ST7: variants seen among roughly 807,000 people sequenced by gnomAD.
ST7 encodes suppressor of tumorigenicity 7 protein.
Under a neutral mutation model 78.7 loss-of-function variants are expected in ST7, and 28 were observed. The ratio of observed to expected loss-of-function variants is 0.36; its 90% confidence interval spans 0.26 to 0.49. The LOEUF is 0.49. Among genes scored for constraint, ST7 ranks in the 20% least tolerant of loss-of-function variants. ST7 has a pLI of 0.99. For missense variants in ST7, 418 were observed against 696.0 expected, an observed-to-expected ratio of 0.60 and a Z score of 4.49; for synonymous variants, 247 against 249.6, an observed-to-expected ratio of 0.99 and a Z score of 0.10.
rs202047922 is a variant in ST7 at position 117,138,505 on chromosome 7, C to G, written c.936C>G (p.Thr312=). Reference sequence around the variant, plus strand: ...TGTGTGCCAGAAGACTCGGGAGGACCAGGGAAGCAGTGAAAATGATGAGAG... The same window carrying G: ...TGTGTGCCAGAAGACTCGGGAGGACGAGGGAAGCAGTGAAAATGATGAGAG... The part of the protein sequence containing the change: ...LAMCARRLGR[T]REAVKMMRDL... The change falls in exon 9 of 16, where the codon ACC becomes ACG. Residue 312 remains threonine (T), a synonymous_variant. Transcript: ENST00000323984. 6.2e-7 allele frequency: 1 copy of G among 1,606,754 alleles called. No homozygotes were observed. Among genetic ancestry groups the G allele is most frequent in the Non-Finnish European group, 8.5e-7 (1 of 1,176,230 alleles).
chr7:117,186,763 G>A (rs561715796), intron 10 of ST7, among the ~76,000 whole-genome samples: 301 of 152,164 alleles, frequency 2.0e-3, no homozygotes, highest in African/African-American at 3.5e-3. Flanking sequence ...CCTTTCCACC[G>A]CATAATTTAA....
At chr7:117,121,963 A>G (rs1803410851) in intron 3 of ST7, among the ~76,000 whole-genome samples, 1 of 151,760 alleles carries the variant, frequency 6.6e-6, no homozygotes, top group African/African-American at 2.4e-5. Context: ...ATGCTACAAG[A>G]AGCTAGAAAT....
intron 1 of ST7, chr7:116,959,305 T>C (rs376508753): frequency 3.6e-5 from 17 of 469,764 alleles, no homozygotes; most frequent in East Asian, 2.1e-4. Context: ...CTAGTTATTT[T>C]GCTGTTTATG....
At chr7:116,956,015 C>G (rs1792457960) in intron 1 of ST7, among the ~76,000 whole-genome samples, 1 of 152,142 alleles carries the variant, frequency 6.6e-6, no homozygotes, top group South Asian at 2.1e-4. Flanking sequence ...ACTCACCTCT[C>G]TGCTGTTTTT....
chr7:117,114,897 AC>A (rs1260953620), intron 2 of ST7, among the ~76,000 whole-genome samples: 1 of 152,106 alleles, frequency 6.6e-6, no homozygotes, highest in Non-Finnish European at 1.5e-5. Context: ...TAAATATGAG[AC>A]AAGTTTGAAG....
intron 1 of ST7, among the ~76,000 whole-genome samples, chr7:117,097,904 A>ATTTTTTTTT (rs1171743827): frequency 3.0e-5 from 1 of 33,720 alleles, no homozygotes; most frequent in African/African-American, 9.7e-5. Context: ...ATATATATAT[A>ATTTTTTTTT]TATATTTTTT....
At chr7:117,139,856 A>G (rs1035228803) in intron 9 of ST7, among the ~76,000 whole-genome samples, 1 of 152,244 alleles carries the variant, frequency 6.6e-6, no homozygotes, top group African/African-American at 2.4e-5. Flanking sequence ...TTTAACTTAC[A>G]GAAATTCCAT....
rs1476168913 is a variant in ST7 at position 117,135,200 on chromosome 7, A to G, written c.711-881A>G. On this transcript the variant is annotated intron_variant, in intron 7 of 15. Transcript: ENST00000323984. ...TTTCTTTGGCAGTGGGTTGTTCCTC[A>G]TATGCTTTGGAAGGTTTAAATTCAC... Among the ~76,000 whole-genome samples, 7 of 152,098 alleles carry G rather than the reference A, an allele frequency of 4.6e-5. No homozygotes were observed. In the South Asian group the frequency reaches 1.5e-3, roughly 32 times the overall value.
chr7:117,025,401 A>G (rs1299966760), intron 1 of ST7, among the ~76,000 whole-genome samples: 1 of 152,126 alleles, frequency 6.6e-6, no homozygotes, highest in Admixed American at 6.5e-5. Flanking sequence ...ATTATTTGTC[A>G]TATGAAACTA....
chr7:117,041,253 A>C (rs1226340043), intron 1 of ST7, among the ~76,000 whole-genome samples: 1 of 152,202 alleles, frequency 6.6e-6, no homozygotes, highest in African/African-American at 2.4e-5. Context: ...AATGAATGTA[A>C]TTCTAGTAGA....
At chr7:117,067,898 A>G (rs911753051) in intron 1 of ST7, among the ~76,000 whole-genome samples, 1 of 152,180 alleles carries the variant, frequency 6.6e-6, no homozygotes, top group African/African-American at 2.4e-5. Flanking sequence ...CATCCAGTGG[A>G]TATTTGTTGA....
chr7:117,013,488 G>T (rs1377150095), intron 1 of ST7, among the ~76,000 whole-genome samples: 2 of 152,212 alleles, frequency 1.3e-5, no homozygotes, highest in African/African-American at 2.4e-5. Flanking sequence ...AGGAAGCACT[G>T]ATTAGACGAC....
chr7:117,225,038 T>C (rs764644745), intron 15 of ST7, among the ~76,000 whole-genome samples: 1 of 152,210 alleles, frequency 6.6e-6, no homozygotes, highest in African/African-American at 2.4e-5. Context: ...GTGATGCGGA[T>C]GTACAACCAG....
chr7:117,214,910 T>TTGTGTGTGTGTGTG (rs147915016), intron 13 of ST7, among the ~76,000 whole-genome samples: 3 of 143,154 alleles, frequency 2.1e-5, no homozygotes, highest in Non-Finnish European at 4.6e-5. Flanking sequence ...GGAAGAACAT[T>TTGTGTGTGTGTGTG]TGTGTGTGTG....
chr7:117,136,947 G>C (rs182154965), intron 8 of ST7: 1 of 152,030 alleles, frequency 6.6e-6, no homozygotes, highest in South Asian at 2.1e-4. Context: ...TGAGCCCCTC[G>C]ACTCATCAGT....
Position 117,197,943 on chromosome 7 carries a change from G to A in ST7, c.1254+7007G>A, listed in dbSNP as rs1810475002. On this transcript the variant is annotated intron_variant, in intron 12 of 15. Transcript: ENST00000323984. ...ACAAACAAACAAAAAAATTAGCTGGGTGTGGTGGCATACTCTACTTGGGAG... is the reference window on the plus strand; with the variant it reads ...ACAAACAAACAAAAAAATTAGCTGGATGTGGTGGCATACTCTACTTGGGAG... Among the ~76,000 whole-genome samples the A allele has an allele frequency of 1.3e-5, 2 of 152,132 alleles. 1 individual carries two copies. Among genetic ancestry groups the A allele is most frequent in the African/African-American group, 4.8e-5 (2 of 41,420 alleles).
intron 1 of ST7, among the ~76,000 whole-genome samples, chr7:117,003,731 G>A (rs898850274): frequency 2.6e-5 from 4 of 152,186 alleles, no homozygotes; most frequent in Non-Finnish European, 5.9e-5. Flanking sequence ...CATACCTGAC[G>A]AATGTGTATA....
intron 1 of ST7, among the ~76,000 whole-genome samples, chr7:117,044,616 G>C (rs2116317733): frequency 6.6e-6 from 1 of 152,274 alleles, no homozygotes. Context: ...CCCTAAGGTA[G>C]GGGTTTTATC....
chr7:117,140,186 A>T (rs1202537133), intron 9 of ST7, among the ~76,000 whole-genome samples: 1 of 152,200 alleles, frequency 6.6e-6, no homozygotes, highest in Non-Finnish European at 1.5e-5. Context: ...CATCTACATT[A>T]TGATTTGCTT....
Sources: gnomAD v4.1 joint callset for allele counts (sites outside exome capture counted in the v4.1 genomes callset) on GRCh38, gnomAD v4.1.1 for gene constraint, MANE v1.5 for transcripts, NCBI Gene and HGNC (gene_info 2026-07-23, HGNC 2026-07-21) for gene names.